Variants in SCUBE1 observed in about 807,000 individuals in gnomAD.
SCUBE1 encodes the protein signal peptide, CUB and EGF-like domain-containing protein 1.
SCUBE1 carries 59 observed loss-of-function variants against 124.4 expected under a neutral mutation model. The ratio of observed to expected loss-of-function variants is 0.47; its 90% CI spans 0.38 to 0.59. The LOEUF (loss-of-function observed/expected upper bound fraction) is 0.59. Ranked by LOEUF, SCUBE1 falls within the 20% of genes least tolerant of loss-of-function variation. The pLI, the probability that SCUBE1 is intolerant of heterozygous loss-of-function variation, is 0.00. For missense variants in SCUBE1, 1,150 were observed against 1,371.2 expected, an observed-to-expected ratio of 0.84 and a Z score of 2.55; for synonymous variants, 545 against 550.9, an observed-to-expected ratio of 0.99 and a Z score of 0.15.
At chr22:43,218,226 C>T in intron 15 of SCUBE1, 29 bp downstream of exon 15, 1 of 1,605,412 alleles carries the variant, frequency 6.2e-7, no homozygotes, top group Non-Finnish European at 8.5e-7. Context: ...ACAGAGTCAG[C>T]ATCTGAGTGG....
intron 5 of SCUBE1, among the ~76,000 whole-genome samples, chr22:43,259,540 A>C (rs972033457): frequency 1.3e-5 from 2 of 152,138 alleles, no homozygotes; most frequent in African/African-American, 4.8e-5. Flanking sequence ...AAGGATCTCA[A>C]ATGTTTCAGA....
rs1022407952 is a variant in SCUBE1 at position 43,255,637 on chromosome 22, G to A, written c.727+2582C>T. 14 of 1,411,212 alleles carry A rather than the reference G, an allele frequency of 9.9e-6. No homozygotes were observed. Among genetic ancestry groups the A allele is most frequent in the Middle Eastern group, 1.7e-4 (1 of 5,774 alleles). 87.4% of individuals were successfully genotyped at this position (1,411,212 alleles called of 1,614,324 possible). ...TGGTTAATGACAGCCCACTTCCCGC[G>A]GCCCAAGACAGTCAGCCTCTCGGCG... On this transcript the variant is annotated intron_variant, in intron 6 of 21. Coordinates refer to ENST00000360835, the MANE Select transcript of SCUBE1 (RefSeq NM_173050.5). The surrounding 1 kb of genome is among the most constrained non-coding windows in gnomAD (Gnocchi z 4.7).
At chr22:43,241,282 C>T (rs1412933966) in intron 6 of SCUBE1, among the ~76,000 whole-genome samples, 1 of 152,088 alleles carries the variant, frequency 6.6e-6, no homozygotes, top group East Asian at 1.9e-4. Flanking sequence ...CTGACCAACC[C>T]GCTCCACAGC....
intron 21 of SCUBE1, among the ~76,000 whole-genome samples, chr22:43,206,397 G>GCA (rs1375013515): frequency 6.6e-6 from 1 of 151,112 alleles, no homozygotes; most frequent in East Asian, 2.0e-4. Flanking sequence ...CCCACCCCCC[G>GCA]CACACACACA....
At chr22:43,290,423 C>T (rs1268051654) in intron 4 of SCUBE1, among the ~76,000 whole-genome samples, 2 of 152,250 alleles carry the variant, frequency 1.3e-5, no homozygotes, top group Non-Finnish European at 2.9e-5. Context: ...CCACTGATGC[C>T]GTAACACCAA....
chr22:43,332,940 C>T (rs920751190), intron 2 of SCUBE1, among the ~76,000 whole-genome samples: 1 of 152,178 alleles, frequency 6.6e-6, no homozygotes, highest in African/African-American at 2.4e-5. Context: ...GGAGGTGACC[C>T]TGTCATCCAG....
intron 8 of SCUBE1, among the ~76,000 whole-genome samples, chr22:43,229,424 C>T (rs1295732275): frequency 2.0e-5 from 3 of 152,174 alleles, no homozygotes; most frequent in Non-Finnish European, 4.4e-5. Context: ...TTTCTGGAGA[C>T]GAGCAGGGCA....
chr22:43,238,176 C>A (rs1018013806), intron 7 of SCUBE1: 17 of 154,142 alleles, frequency 1.1e-4, no homozygotes, highest in African/African-American at 3.9e-4. Context: ...GGAGGATACA[C>A]CTCTGCCTTC....
At chr22:43,219,103 C>G (rs888526517) in intron 14 of SCUBE1, among the ~76,000 whole-genome samples, 1 of 152,224 alleles carries the variant, frequency 6.6e-6, no homozygotes, top group Non-Finnish European at 1.5e-5. Context: ...TTTGTCTCTT[C>G]CAAACCTCAT....
chr22:43,248,573 T>C (rs1159078830), intron 6 of SCUBE1, among the ~76,000 whole-genome samples: 1 of 152,186 alleles, frequency 6.6e-6, no homozygotes, highest in Non-Finnish European at 1.5e-5. Flanking sequence ...CCAGCCATAT[T>C]TGGAGCCAGT....
At chr22:43,304,400 G>C (rs936754417) in intron 3 of SCUBE1, among the ~76,000 whole-genome samples, 5 of 152,248 alleles carry the variant, frequency 3.3e-5, no homozygotes, top group African/African-American at 7.2e-5. Context: ...TTCTAGGAAA[G>C]AGAGGTGGTG....
chr22:43,224,137 A>G (rs948015066), intron 10 of SCUBE1, among the ~76,000 whole-genome samples: 4 of 152,326 alleles, frequency 2.6e-5, no homozygotes, highest in Admixed American at 2.6e-4. Flanking sequence ...GGTTCCTCCA[A>G]GATTGTTTTA....
At chr22:43,231,958 A>T in intron 7 of SCUBE1, 83 bp from the exon 8 acceptor site, 1 of 1,538,378 alleles carries the variant, frequency 6.5e-7, no homozygotes. Context: ...GGCTAGCGGC[A>T]GGGGATGACA....
chr22:43,214,330 C>A, intron 15 of SCUBE1, 79 bp from the exon 16 acceptor site: 1 of 1,424,108 alleles, frequency 7.0e-7, no homozygotes, highest in Non-Finnish European at 9.6e-7. Flanking sequence ...CAAGCCCAGG[C>A]TCTCCTGATA....
At chr22:43,254,831 G>A (rs572253092) in intron 6 of SCUBE1, among the ~76,000 whole-genome samples, 24 of 152,366 alleles carry the variant, frequency 1.6e-4, no homozygotes, top group African/African-American at 4.8e-4. Flanking sequence ...CACTGTGCAC[G>A]CTGAGCTCTG....
intron 10 of SCUBE1, 91 bp downstream of exon 10, chr22:43,227,283 T>C (rs531393848): frequency 9.0e-5 from 128 of 1,423,886 alleles, no homozygotes; most frequent in Admixed American, 3.6e-4. Context: ...GGAGGGGCTG[T>C]CCTGCTCACC....
intron 4 of SCUBE1, among the ~76,000 whole-genome samples, chr22:43,285,605 A>C (rs759958880): frequency 8.5e-5 from 13 of 152,242 alleles, no homozygotes; most frequent in Non-Finnish European, 1.5e-5. Flanking sequence ...GGCTCAGCTC[A>C]GAATGGGCTG....
chr22:43,248,269 G>A (rs1477842410), intron 6 of SCUBE1, among the ~76,000 whole-genome samples: 1 of 152,202 alleles, frequency 6.6e-6, no homozygotes, highest in Non-Finnish European at 1.5e-5. Context: ...GGGGGGCGAG[G>A]GGTAGGGCCA....
Position 43,339,147 on chromosome 22 carries a change from G to A in SCUBE1, c.177C>T (p.Cys59=). 1.2e-6 allele frequency: 2 copies of A among 1,613,914 alleles called. No homozygotes were observed. Among genetic ancestry groups the A allele is most frequent in the South Asian group, 1.1e-5 (1 of 91,088 alleles). The part of the protein sequence containing the change: ...ICQNTPKSYK[C]LCKPGYKGEG... ...CCCCCTTGTAGCCTGGCTTGCAGAG[G>A]CATTTGTAGGACTTGGGCGTGTTCT... The change falls in exon 2 of 22, where the codon TGC becomes TGT. Residue 59 remains cysteine, a synonymous_variant. Transcript: ENST00000360835.
Sources: gnomAD v4.1 joint callset for allele counts (sites outside exome capture counted in the v4.1 genomes callset) on GRCh38, gnomAD v4.1.1 for gene constraint, Gnocchi (gnomAD v3.1) non-coding constraint, MANE v1.5 for transcripts, NCBI Gene and HGNC (gene_info 2026-07-23, HGNC 2026-07-21) for gene names.